Variants in MGMT observed in about 807,000 individuals in gnomAD.
MGMT encodes methylated-DNA--protein-cysteine methyltransferase.
MGMT carries 14 observed loss-of-function variants against 15.9 expected under a neutral mutation model. The observed-to-expected ratio is 0.88, with a 90% CI of 0.58 to 1.37. The LOEUF (loss-of-function observed/expected upper bound fraction) is 1.37. Ranked by LOEUF, MGMT falls within the 40% of genes most tolerant of loss-of-function variation. The pLI is 0.00. For missense variants in MGMT, 282 were observed against 268.1 expected (o/e 1.05, Z -0.36); for synonymous variants, 130 against 118.2 (o/e 1.10, Z -0.65).
At chr10:129,669,381 C>T (rs990566879) in intron 2 of MGMT, among the ~76,000 whole-genome samples, 5 of 152,108 alleles carry the variant, frequency 3.3e-5, no homozygotes, top group African/African-American at 1.2e-4. Context: ...ACCAATTTTA[C>T]TCACCTTTTT....
intron 2 of MGMT, among the ~76,000 whole-genome samples, chr10:129,670,408 T>G (rs1847708663): frequency 6.6e-6 from 1 of 152,200 alleles, no homozygotes; most frequent in South Asian, 2.1e-4. Flanking sequence ...TTGAAAATAT[T>G]CTTGCCATGG....
chr10:129,687,372 AAAGTT>A (rs150656366), intron 2 of MGMT, among the ~76,000 whole-genome samples: 13,090 of 152,182 alleles, frequency 0.086, 704 homozygotes, highest in Admixed American at 0.17. Flanking sequence ...CACGACCAAG[AAAGTT>A]AAGGAGCGCC....
intron 2 of MGMT, among the ~76,000 whole-genome samples, chr10:129,600,837 T>G (rs1444351041): frequency 6.6e-6 from 1 of 152,202 alleles, no homozygotes; most frequent in Non-Finnish European, 1.5e-5. Context: ...TCTGATGGCT[T>G]ACTGGCAAGC....
intron 2 of MGMT, among the ~76,000 whole-genome samples, chr10:129,686,384 TA>T (rs1460931256): frequency 1.3e-5 from 2 of 152,274 alleles, no homozygotes; most frequent in African/African-American, 4.8e-5. Flanking sequence ...TTTATTTTAT[TA>T]TTTTTTTGAG....
At chr10:129,704,421 C>G (rs557989249) in intron 2 of MGMT, among the ~76,000 whole-genome samples, 4 of 152,166 alleles carry the variant, frequency 2.6e-5, no homozygotes, top group South Asian at 2.1e-4. Flanking sequence ...GAGACCTCAG[C>G]CTGTGTATTA....
chr10:129,695,650 G>A (rs1419582971), intron 2 of MGMT, among the ~76,000 whole-genome samples: 1 of 152,180 alleles, frequency 6.6e-6, no homozygotes, highest in African/African-American at 2.4e-5. Flanking sequence ...TCAATTAGGG[G>A]TAGGTACATC....
At chr10:129,579,617 T>G (rs904366237) in intron 2 of MGMT, among the ~76,000 whole-genome samples, 9 of 152,234 alleles carry the variant, frequency 5.9e-5, no homozygotes, top group Non-Finnish European at 8.8e-5. Context: ...CAGCTGAGTG[T>G]CCGTGTTTAA....
intron 3 of MGMT, among the ~76,000 whole-genome samples, chr10:129,711,112 AG>A (rs1564770098): frequency 1.3e-5 from 2 of 152,154 alleles, no homozygotes; most frequent in Non-Finnish European, 2.9e-5. Context: ...TCCCTTCCTC[AG>A]GCCTGTCCTG....
chr10:129,619,836 T>C (rs1430611294), intron 2 of MGMT, among the ~76,000 whole-genome samples: 1 of 152,240 alleles, frequency 6.6e-6, no homozygotes, highest in Admixed American at 6.5e-5. Flanking sequence ...TTTTTTCCAT[T>C]CCTGGAATGG....
chr10:129,688,920 T>C (rs1438401181), intron 2 of MGMT, among the ~76,000 whole-genome samples: 1 of 152,094 alleles, frequency 6.6e-6, no homozygotes, highest in Non-Finnish European at 1.5e-5. Context: ...GTTTTCTGTT[T>C]ATGGGTTTGT....
At chr10:129,627,002 G>A (rs560450467) in intron 2 of MGMT, among the ~76,000 whole-genome samples, 10 of 152,278 alleles carry the variant, frequency 6.6e-5, no homozygotes, top group East Asian at 5.8e-4. Context: ...CTGAGGGGAC[G>A]GAGGCAGCTG....
At chr10:129,653,180 T>C (rs1847482456) in intron 2 of MGMT, among the ~76,000 whole-genome samples, 1 of 152,260 alleles carries the variant, frequency 6.6e-6, no homozygotes, top group South Asian at 2.1e-4. Flanking sequence ...TCTACTCCAC[T>C]GGACTTCATG....
intron 2 of MGMT, among the ~76,000 whole-genome samples, chr10:129,581,127 G>A (rs941874484): frequency 6.6e-6 from 1 of 152,204 alleles, no homozygotes; most frequent in Non-Finnish European, 1.5e-5. Context: ...AATTGTTAAC[G>A]GTGCAGCTGC....
chr10:129,688,426 T>C (rs1321031102), intron 2 of MGMT, among the ~76,000 whole-genome samples: 1 of 152,254 alleles, frequency 6.6e-6, no homozygotes. Flanking sequence ...TTGATTTGCA[T>C]TTCTCTGATG....
chr10:129,582,507 G>T (rs1043136836), intron 2 of MGMT, among the ~76,000 whole-genome samples: 1 of 151,772 alleles, frequency 6.6e-6, no homozygotes, highest in South Asian at 2.1e-4. Flanking sequence ...TCCGTACAAC[G>T]TCTTCCCGAT....
chr10:129,769,743 C>T lies in MGMT; in HGVS notation c.*2746C>T, dbSNP rs1318095513. On this transcript the variant is annotated 3_prime_UTR_variant, in exon 5 of 5. Coordinates refer to ENST00000651593, the MANE Select transcript of MGMT (RefSeq NM_002412.5). ...CTGGGAACAGAAGTGTCCAGTAAACCCACCTGCATTCCACGTGTCCTGTGG... is the reference window on the plus strand; with the variant it reads ...CTGGGAACAGAAGTGTCCAGTAAACTCACCTGCATTCCACGTGTCCTGTGG... Among the ~76,000 whole-genome samples the T allele has an allele frequency of 1.3e-5, 2 of 152,216 alleles. No individual in the cohort carries two copies. Among genetic ancestry groups the T allele is most frequent in the Non-Finnish European group, 2.9e-5 (2 of 68,046 alleles).
intron 2 of MGMT, chr10:129,702,028 A>C (rs544502980): frequency 6.6e-6 from 1 of 152,230 alleles, no homozygotes; most frequent in Non-Finnish European, 1.5e-5. Flanking sequence ...ATTTAAATCA[A>C]AATAAATCTG....
intron 2 of MGMT, among the ~76,000 whole-genome samples, chr10:129,540,553 T>C (rs1157783816): frequency 6.6e-6 from 1 of 152,236 alleles, no homozygotes; most frequent in Non-Finnish European, 1.5e-5. Context: ...TGATATTTCA[T>C]GTATGTGTTG....
At chr10:129,576,491 C>A (rs1051521830) in intron 2 of MGMT, among the ~76,000 whole-genome samples, 4 of 152,198 alleles carry the variant, frequency 2.6e-5, no homozygotes, top group Non-Finnish European at 5.9e-5. Context: ...AACAACCCTT[C>A]ATGCTAAAAA....
Sources: allele counts gnomAD v4.1 joint callset (sites outside exome capture counted in the v4.1 genomes callset), GRCh38; gene constraint gnomAD v4.1.1; transcripts MANE v1.5; gene names NCBI Gene and HGNC (gene_info 2026-07-23, HGNC 2026-07-21).